Variants in DNAH14 observed in about 807,000 individuals in gnomAD.
The protein encoded by DNAH14 is dynein axonemal heavy chain 14.
In DNAH14, 478 loss-of-function variants were observed where a neutral mutation model predicts 520.9. The ratio of observed to expected loss-of-function variants is 0.92; its 90% CI spans 0.85 to 0.99. DNAH14 has a LOEUF of 0.99. Among genes scored for constraint, DNAH14 ranks in the 50% least tolerant of loss-of-function variants. The pLI is 0.00. For missense variants in DNAH14, 4,831 were observed against 5,234.5 expected, an observed-to-expected ratio of 0.92 and a Z score of 2.38; for synonymous variants, 1,581 against 1,757.2, an observed-to-expected ratio of 0.90 and a Z score of 2.51.
intron 43 of DNAH14, among the ~76,000 whole-genome samples, chr1:225,246,308 C>T (rs1336682913): frequency 2.0e-5 from 3 of 152,096 alleles, no homozygotes; most frequent in Non-Finnish European, 4.4e-5. Context: ...CCATTCAGGA[C>T]ATAGGCATAG....
chr1:225,359,510 A>G (rs2095469919), intron 74 of DNAH14, among the ~76,000 whole-genome samples: 1 of 152,154 alleles, frequency 6.6e-6, no homozygotes. Flanking sequence ...TCCCAAGCAA[A>G]ATATTTTCTT....
intron 41 of DNAH14, among the ~76,000 whole-genome samples, chr1:225,230,681 G>A (rs987900572): frequency 1.3e-5 from 2 of 151,948 alleles, no homozygotes; most frequent in African/African-American, 4.8e-5. Context: ...AAAGCATGCA[G>A]CTTCTTTTTT....
intron 41 of DNAH14, among the ~76,000 whole-genome samples, chr1:225,218,439 T>G (rs534524239): frequency 1.4e-5 from 2 of 145,728 alleles, no homozygotes; most frequent in Non-Finnish European, 3.0e-5. Flanking sequence ...ACACATAGGC[T>G]CAAAATAAAG....
In DNAH14 at chr1:225,147,097, T is replaced by TA. The variant is rs2080020104; in HGVS notation, c.4795-7_4795-6insA. On this transcript the variant is annotated splice_polypyrimidine_tract_variant and splice_region_variant and intron_variant, in intron 30 of 85. Transcript: ENST00000682510. ...TTTAGTAATCAATCTCTTTTTTTTT[T>TA]TAAAAGATAGTGAGAAAATTTTTCT... 2 of 1,498,592 alleles carry TA rather than the reference T, an allele frequency of 1.3e-6. No homozygotes were observed. Among genetic ancestry groups the TA allele is most frequent in the African/African-American group, 1.4e-5 (1 of 70,150 alleles). 92.8% of individuals were successfully genotyped at this position (1,498,592 alleles called of 1,614,324 possible).
intron 13 of DNAH14, 32 bp downstream of exon 13, chr1:225,043,146 G>A: frequency 6.6e-7 from 1 of 1,521,836 alleles, no homozygotes; most frequent in Non-Finnish European, 8.8e-7. Context: ...AGAATGAGGG[G>A]TTGCCAGGTG....
chr1:225,262,597 A>G (rs2092970830), intron 46 of DNAH14, among the ~76,000 whole-genome samples: 1 of 152,036 alleles, frequency 6.6e-6, no homozygotes, highest in Non-Finnish European at 1.5e-5. Flanking sequence ...ATTTTTGAAT[A>G]GAGTGTATTT....
At chr1:225,037,768 C>T (rs1293931175) in intron 11 of DNAH14, among the ~76,000 whole-genome samples, 6 of 152,186 alleles carry the variant, frequency 3.9e-5, no homozygotes, top group African/African-American at 9.6e-5. Context: ...CCACAATCTC[C>T]GCCTCCTGGG....
At position 225,373,172 on chromosome 1, in the gene DNAH14, G is replaced by GAAAAAAAAA. The variant is rs3075885; in HGVS notation, c.12319-1511_12319-1503dup. 3.5e-4 allele frequency among the ~76,000 whole-genome samples: 48 copies of GAAAAAAAAA among 135,758 alleles called. 1 individual carries two copies. The highest frequency in any genetic ancestry group is 5.6e-4 in the Non-Finnish European group (36 of 64,272). The allele number at this position is 135,758 out of a possible 152,430, so 89.1% of individuals were successfully genotyped here. A position where few individuals can be genotyped will look rare whatever the true frequency, so the allele number is the denominator to read the frequency against. ...TGTGTATGCTAAACTAGCATTTGTG[G>GAAAAAAAAA]AAAAAAAAAAAAAGACAGGAAAACA... On this transcript the variant is annotated intron_variant, in intron 77 of 85. Coordinates refer to ENST00000682510, the MANE Select transcript of DNAH14 (RefSeq NM_001367479.1).
At chr1:225,057,811 G>C (rs964654680) in intron 17 of DNAH14, among the ~76,000 whole-genome samples, 8 of 152,150 alleles carry the variant, frequency 5.3e-5, no homozygotes, top group African/African-American at 1.9e-4. Context: ...CGTTGGTTCT[G>C]TTTATATGCT....
At chr1:225,394,827 G>A (rs1341650185) in intron 84 of DNAH14, among the ~76,000 whole-genome samples, 4 of 148,010 alleles carry the variant, frequency 2.7e-5, no homozygotes, top group African/African-American at 1.0e-4. Flanking sequence ...CTGGGTGACA[G>A]AGAGAGACTC....
At chr1:225,156,084 C>T (rs2081012670) in intron 34 of DNAH14, among the ~76,000 whole-genome samples, 1 of 152,084 alleles carries the variant, frequency 6.6e-6, no homozygotes, top group South Asian at 2.1e-4. Context: ...AGGCCTCTGA[C>T]CTTATTTCTT....
At chr1:225,348,973 G>A (rs77186223) in intron 71 of DNAH14, among the ~76,000 whole-genome samples, 303 of 152,144 alleles carry the variant, frequency 2.0e-3, no homozygotes, top group East Asian at 0.01. Context: ...TAAATTAGTA[G>A]ATTTTGATTT....
intron 42 of DNAH14, among the ~76,000 whole-genome samples, chr1:225,239,056 C>A (rs971105329): frequency 1.3e-5 from 2 of 152,180 alleles, no homozygotes; most frequent in Non-Finnish European, 2.9e-5. Flanking sequence ...AGCCTCCAGC[C>A]TATTGCCAGT....
intron 43 of DNAH14, among the ~76,000 whole-genome samples, chr1:225,241,489 C>T (rs2091962293): frequency 6.6e-6 from 1 of 152,170 alleles, no homozygotes; most frequent in Admixed American, 6.6e-5. Context: ...TACAGTCATA[C>T]ATTGCTGAAC....
rs186636861 is a variant in DNAH14 at position 224,937,312 on chromosome 1, C to T, written c.-34+7477C>T. ...TCTTATATCTAGAAAAATATAAGGG[C>T]GCTACCAAAAAAACTGATAGAACTG... On this transcript the variant is annotated intron_variant, in intron 1 of 85. Transcript: ENST00000682510. Among the ~76,000 whole-genome samples the T allele has an allele frequency of 7.9e-5, 12 of 151,696 alleles. No individual in the cohort carries two copies. In the East Asian group the frequency reaches 1.2e-3, roughly 15 times the overall value.
At chr1:225,342,711 CA>C (rs2150395815) in intron 69 of DNAH14, among the ~76,000 whole-genome samples, 1 of 117,946 alleles carries the variant, frequency 8.5e-6, no homozygotes, top group Non-Finnish European at 2.0e-5. Context: ...CACACACACA[CA>C]CACACACATT....
chr1:225,389,958 C>T, intron 83 of DNAH14, 85 bp downstream of exon 83: 4 of 1,263,264 alleles, frequency 3.2e-6, no homozygotes, highest in South Asian at 1.4e-5. Context: ...TTTCCTCCTC[C>T]CCTTTAGGAT....
chr1:225,129,691 G>C (rs911563187), intron 27 of DNAH14, among the ~76,000 whole-genome samples: 2 of 151,382 alleles, frequency 1.3e-5, no homozygotes, highest in South Asian at 2.1e-4. Flanking sequence ...AGACTTAAAC[G>C]TTAGACCTAA....
At position 225,232,386 on chromosome 1, in the gene DNAH14, A is replaced by G. The variant is rs1163449736; in HGVS notation, c.6518+1235A>G. Among the ~76,000 whole-genome samples, 1 of 151,996 alleles carries G rather than the reference A, an allele frequency of 6.6e-6. No homozygotes were observed. The highest frequency in any genetic ancestry group is 1.5e-5 in the Non-Finnish European group (1 of 68,014). On this transcript the variant is annotated intron_variant, in intron 42 of 85. Coordinates refer to ENST00000682510, the MANE Select transcript of DNAH14 (RefSeq NM_001367479.1). The surrounding 1 kb of genome is among the most constrained non-coding windows in gnomAD (Gnocchi z 4.2). ...ATAGTAATATGATTAATGTGCTTGTACATGTCTCTTGGTACTTATATGCAA... is the reference window on the plus strand; with the variant it reads ...ATAGTAATATGATTAATGTGCTTGTGCATGTCTCTTGGTACTTATATGCAA...
Sources: gnomAD v4.1 joint callset for allele counts (sites outside exome capture counted in the v4.1 genomes callset) on GRCh38, gnomAD v4.1.1 for gene constraint, Gnocchi (gnomAD v3.1) non-coding constraint, MANE v1.5 for transcripts, NCBI Gene and HGNC (gene_info 2026-07-23, HGNC 2026-07-21) for gene names.